The following CFAP100 variants were observed in gnomAD, a reference collection of about 807,000 sequenced individuals.
CFAP100 encodes cilia- and flagella-associated protein 100.
CFAP100 carries 70 observed loss-of-function variants against 81.5 expected under a neutral mutation model. The ratio of observed to expected loss-of-function variants is 0.86; its 90% CI spans 0.71 to 1.05. The LOEUF (loss-of-function observed/expected upper bound fraction) is 1.05. Among genes scored for constraint, CFAP100 ranks in the 50% least tolerant of loss-of-function variants. The probability of loss-of-function intolerance (pLI) is 0.00; values close to 1 mark genes in which losing one functional copy is unlikely to be tolerated. For missense variants in CFAP100, 811 were observed against 776.5 expected, an observed-to-expected ratio of 1.04 and a Z score of -0.53; for synonymous variants, 341 against 314.8, an observed-to-expected ratio of 1.08 and a Z score of -0.88.
chr3:126,407,726 C>A (rs376267130), intron 3 of CFAP100, among the ~76,000 whole-genome samples: 1 of 152,230 alleles, frequency 6.6e-6, no homozygotes, highest in Admixed American at 6.5e-5. Context: ...TTCCAAGCAG[C>A]AATGTCTTCC....
chr3:126,411,456 T>C (rs921867646), intron 3 of CFAP100, among the ~76,000 whole-genome samples: 1 of 148,370 alleles, frequency 6.7e-6, no homozygotes, highest in African/African-American at 2.5e-5. Context: ...CTCTTCTTTC[T>C]CAATATTTTG....
intron 15 of CFAP100, 159 bp downstream of exon 15, chr3:126,434,540 G>A (rs2107620543): frequency 5.7e-6 from 4 of 701,608 alleles, no homozygotes; most frequent in Middle Eastern, 4.2e-4. Context: ...ATCTAGAGGG[G>A]CATCACAGTC....
intron 5 of CFAP100, among the ~76,000 whole-genome samples, chr3:126,417,642 A>T (rs566890527): frequency 5.9e-5 from 9 of 152,274 alleles, no homozygotes; most frequent in African/African-American, 1.9e-4. Context: ...GGGAGGCGGG[A>T]CTATGACTCC....
intron 13 of CFAP100, among the ~76,000 whole-genome samples, chr3:126,427,031 C>A (rs74794395): frequency 5.1e-4 from 77 of 152,298 alleles, no homozygotes; most frequent in Admixed American, 2.4e-3. Context: ...GAGAGATATT[C>A]CATGTTCAGG....
At chr3:126,429,107 CAAAAAAA>C (rs57773311) in intron 13 of CFAP100, among the ~76,000 whole-genome samples, 12 of 95,764 alleles carry the variant, frequency 1.3e-4, no homozygotes, top group Admixed American at 7.0e-4. Context: ...CGTCTCCATC[CAAAAAAA>C]AAAAAAAAAA....
chr3:126,395,990 C>A lies in CFAP100; in HGVS notation c.-11C>A. 1 of 1,610,856 alleles carries A rather than the reference C, an allele frequency of 6.2e-7. No individual in the cohort carries two copies. Among genetic ancestry groups the A allele is most frequent in the Non-Finnish European group, 8.5e-7 (1 of 1,177,048 alleles). On this transcript the variant is annotated 5_prime_UTR_variant, in exon 2 of 17. Coordinates refer to ENST00000352312, the MANE Select transcript of CFAP100 (RefSeq NM_182628.3). ...AGAAGCCTTGCATCAACCTCTTGGGCCTCAGCCAAGATGTCTGAGATACCG... is the reference window on the plus strand; with the variant it reads ...AGAAGCCTTGCATCAACCTCTTGGGACTCAGCCAAGATGTCTGAGATACCG...
intron 13 of CFAP100, among the ~76,000 whole-genome samples, chr3:126,426,547 C>G (rs1932946609): frequency 6.6e-6 from 1 of 151,442 alleles, no homozygotes; most frequent in Admixed American, 6.6e-5. Context: ...GTCAGGAGAT[C>G]AAGACCATCT....
intron 2 of CFAP100, among the ~76,000 whole-genome samples, chr3:126,403,383 C>CTT (rs10707460): frequency 0.15 from 17,100 of 117,464 alleles, 1,480 homozygotes; most frequent in Non-Finnish European, 0.21. Context: ...TGTATTTTAT[C>CTT]TTTTTTTTTT....
chr3:126,415,201 C>G (rs1281715242), intron 4 of CFAP100, among the ~76,000 whole-genome samples: 1 of 152,118 alleles, frequency 6.6e-6, no homozygotes, highest in Non-Finnish European at 1.5e-5. Flanking sequence ...CTCCACCACA[C>G]CCAACAGGGT....
At chr3:126,407,094 C>T in intron 2 of CFAP100, 78 bp from the exon 3 acceptor site, 1 of 962,252 alleles carries the variant, frequency 1.0e-6, no homozygotes, top group Non-Finnish European at 1.6e-6. Flanking sequence ...CTGAGACATT[C>T]CCCGCCTCAG....
rs750573498 is a variant in CFAP100 at position 126,414,171 on chromosome 3, G to T, written c.217G>T (p.Ala73Ser). The T allele has an allele frequency of 1.2e-6, 2 of 1,612,846 alleles. No individual in the cohort carries two copies. The highest frequency in any genetic ancestry group is 1.7e-6 in the Non-Finnish European group (2 of 1,178,854). Residue 73 changes from alanine (A) to serine (S), a missense_variant, in exon 4 of 17, where the codon GCT becomes TCT. Transcript: ENST00000352312. ...FLLRDQERNK[A>S]LSERQQQKTM... ...GCTCAGAGATCAGGAGCGGAATAAG[G>T]CTCTCTCCGTGAGTATCCAGGACAG...
At chr3:126,403,985 A>G (rs746955441) in intron 2 of CFAP100, among the ~76,000 whole-genome samples, 2 of 152,294 alleles carry the variant, frequency 1.3e-5, no homozygotes, top group African/African-American at 4.8e-5. Context: ...TATTTTCAGC[A>G]GCTCTGACAA....
At chr3:126,398,879 G>T (rs112199721) in intron 2 of CFAP100, among the ~76,000 whole-genome samples, 6 of 152,180 alleles carry the variant, frequency 3.9e-5, no homozygotes, top group Admixed American at 3.3e-4. Context: ...AGACGGAGGC[G>T]CCTGCTCTCT....
intron 14 of CFAP100, 21 bp from the exon 15 acceptor site, chr3:126,434,155 T>C (rs1217227786): frequency 1.3e-6 from 2 of 1,590,132 alleles, no homozygotes. Flanking sequence ...AGCACCCTGC[T>C]GGAAGCCACC....
At chr3:126,421,788 C>T (rs551563728) in intron 11 of CFAP100, among the ~76,000 whole-genome samples, 2 of 152,376 alleles carry the variant, frequency 1.3e-5, no homozygotes, top group Non-Finnish European at 2.9e-5. Flanking sequence ...AGTGTGGCCA[C>T]GCCTTGTGGT....
intron 1 of CFAP100, 55 bp downstream of exon 1, chr3:126,395,033 T>G (rs1243920372): frequency 1.3e-5 from 2 of 152,298 alleles, no homozygotes; most frequent in Admixed American, 1.3e-4. Flanking sequence ...TGAGGGCGCG[T>G]GGGGGCGGCG....
At chr3:126,426,256 A>C (rs543320986) in intron 13 of CFAP100, among the ~76,000 whole-genome samples, 1 of 152,294 alleles carries the variant, frequency 6.6e-6, no homozygotes, top group South Asian at 2.1e-4. Context: ...TGAGGCCAAG[A>C]GATCGAGACC....
intron 16 of CFAP100, 65 bp from the exon 17 acceptor site, chr3:126,436,226 G>A: frequency 7.8e-7 from 1 of 1,274,352 alleles, no homozygotes; most frequent in Non-Finnish European, 1.1e-6. Context: ...CTGCACCAGG[G>A]GCAGGGGTAT....
At position 126,419,835 on chromosome 3, in the gene CFAP100, T is replaced by C; in HGVS notation, c.913+17T>C. The C allele has an allele frequency of 1.9e-6, 3 of 1,612,592 alleles. No homozygotes were observed. The highest frequency in any genetic ancestry group is 2.5e-6 in the Non-Finnish European group (3 of 1,179,556). On this transcript the variant is annotated intron_variant, in intron 9 of 16. Transcript: ENST00000352312. Reference sequence around the variant, plus strand: ...GGGACAAAGGTAGCAGAAAAGAGAATGTGGGTTCCCAGGTGGGCTCTGCCA... The same window carrying C: ...GGGACAAAGGTAGCAGAAAAGAGAACGTGGGTTCCCAGGTGGGCTCTGCCA...
Sources: allele counts gnomAD v4.1 joint callset (sites outside exome capture counted in the v4.1 genomes callset), GRCh38; gene constraint gnomAD v4.1.1; transcripts MANE v1.5; gene names NCBI Gene and HGNC (gene_info 2026-07-23, HGNC 2026-07-21).